The following ZNF678 variants were observed in gnomAD, a reference collection of about 807,000 sequenced individuals.
ZNF678 encodes the protein hypothetical protein MGC42493.
ZNF678 carries 5 observed loss-of-function variants against 3.0 expected under a neutral mutation model. That is an observed-to-expected ratio of 1.69 (90% confidence interval 0.88 to 3.56). The LOEUF is 3.56. Ranked by LOEUF, ZNF678 falls within the 30% of genes most tolerant of loss-of-function variation. The pLI is 0.00. For synonymous variants in ZNF678, 218 were observed against 199.6 expected, an observed-to-expected ratio of 1.09 and a Z score of -0.78; for missense variants, 593 against 605.0, an observed-to-expected ratio of 0.98 and a Z score of 0.21.
At chr1:227,671,080 T>G (rs1416148933) in intron 5 of ZNF678, among the ~76,000 whole-genome samples, 5 of 150,352 alleles carry the variant, frequency 3.3e-5, no homozygotes, top group Non-Finnish European at 7.4e-5. Flanking sequence ...TCACCTTTTT[T>G]TTTTTTTTTT....
intron 1 of ZNF678, among the ~76,000 whole-genome samples, chr1:227,574,008 C>CT (rs1206697677): frequency 1.3e-5 from 2 of 152,154 alleles, no homozygotes; most frequent in African/African-American, 4.8e-5. Context: ...TGATCTCATT[C>CT]TTTTTTATGG....
intron 2 of ZNF678, among the ~76,000 whole-genome samples, chr1:227,649,443 C>G (rs1409405802): frequency 6.6e-6 from 1 of 152,144 alleles, no homozygotes; most frequent in Non-Finnish European, 1.5e-5. Flanking sequence ...CTCCACCTCC[C>G]AGGTTCAAGC....
At position 227,654,336 on chromosome 1, in the gene ZNF678, C is replaced by A; in HGVS notation, c.86C>A (p.Ala29Asp). Residue 29 changes from alanine to aspartate, a missense_variant and splice_region_variant, in exon 4 of 4, where the codon GCT (alanine) becomes GAT (aspartate). Ala to Asp is a moderately radical substitution (Grantham distance 126). Transcript: ENST00000343776. ...STSFYKLVYT[A>D]ILSYSIQDLL... ...AACTTTTTATTTTTATTTCTTTCAG[C>A]TATTTTATCTTATTCCATTCAAGAC... 6.7e-7 allele frequency: 1 copy of A among 1,500,040 alleles called. No homozygotes were observed. The highest frequency in any genetic ancestry group is 8.9e-7 in the Non-Finnish European group (1 of 1,127,600). The allele number at this position is 1,500,040 out of a possible 1,614,324, so 92.9% of individuals were successfully genotyped here.
At chr1:227,580,657 C>T (rs6698409) in intron 1 of ZNF678, among the ~76,000 whole-genome samples, 32,861 of 152,038 alleles carry the variant, frequency 0.22, 4,047 homozygotes, top group African/African-American at 0.33. Flanking sequence ...AGGCCAGGCA[C>T]GGTGGCTAAT....
intron 1 of ZNF678, among the ~76,000 whole-genome samples, chr1:227,643,780 C>T (rs1388274312): frequency 6.6e-6 from 1 of 151,752 alleles, no homozygotes; most frequent in Non-Finnish European, 1.5e-5. Flanking sequence ...AAAAGTTCCT[C>T]TGACCTATAT....
chr1:227,675,043 T>C (rs1375907041), intron 5 of ZNF678, among the ~76,000 whole-genome samples: 4 of 152,248 alleles, frequency 2.6e-5, no homozygotes, highest in African/African-American at 9.6e-5. Flanking sequence ...ATGACATTCA[T>C]TTGAACATTG....
chr1:227,600,272 A>T (rs757586760), intron 1 of ZNF678, among the ~76,000 whole-genome samples: 1 of 152,190 alleles, frequency 6.6e-6, no homozygotes, highest in Non-Finnish European at 1.5e-5. Flanking sequence ...AGTGAACATA[A>T]GTGTGCATGT....
chr1:227,583,808 A>G (rs1460103825), intron 1 of ZNF678, among the ~76,000 whole-genome samples: 2 of 152,266 alleles, frequency 1.3e-5, no homozygotes, highest in East Asian at 3.9e-4. Context: ...TTGGTGTCCA[A>G]AGTATTTTGT....
chr1:227,630,278 C>G (rs1308206856), intron 1 of ZNF678, among the ~76,000 whole-genome samples: 1 of 152,166 alleles, frequency 6.6e-6, no homozygotes, highest in Admixed American at 6.5e-5. Context: ...TTTCCTTAGT[C>G]CTTCTAGCTT....
At chr1:227,606,723 C>T (rs758750111) in intron 1 of ZNF678, among the ~76,000 whole-genome samples, 3 of 152,038 alleles carry the variant, frequency 2.0e-5, no homozygotes, top group Non-Finnish European at 4.4e-5. Context: ...GAGGTCCCTG[C>T]GGCTTTCTGC....
At chr1:227,569,321 T>C (rs541819451) in intron 1 of ZNF678, among the ~76,000 whole-genome samples, 1 of 152,354 alleles carries the variant, frequency 6.6e-6, no homozygotes, top group East Asian at 1.9e-4. Flanking sequence ...TTTCTTCTGC[T>C]TCTTGAAATA....
At chr1:227,564,413 TAGAGCCACC>T (rs913104293) in intron 1 of ZNF678, among the ~76,000 whole-genome samples, 1 of 152,230 alleles carries the variant, frequency 6.6e-6, no homozygotes, top group African/African-American at 2.4e-5. Flanking sequence ...CGCAAGACAC[TAGAGCCACC>T]TCAGTCTAAT....
At chr1:227,676,370 A>G (rs1168085124) in intron 5 of ZNF678, among the ~76,000 whole-genome samples, 1 of 152,222 alleles carries the variant, frequency 6.6e-6, no homozygotes, top group African/African-American at 2.4e-5. Flanking sequence ...AATCCCAGAA[A>G]CATACAGGGA....
intron 1 of ZNF678, among the ~76,000 whole-genome samples, chr1:227,579,249 G>A (rs1377021251): frequency 2.0e-5 from 3 of 152,154 alleles, no homozygotes; most frequent in African/African-American, 7.2e-5. Context: ...GGGAGTCCCT[G>A]TTGCAGAGTG....
At chr1:227,620,988 C>A (rs1386562859) in intron 1 of ZNF678, among the ~76,000 whole-genome samples, 2 of 152,134 alleles carry the variant, frequency 1.3e-5, no homozygotes, top group Non-Finnish European at 2.9e-5. Flanking sequence ...TGCCATGGGT[C>A]ACACCTGGAA....
intron 5 of ZNF678, among the ~76,000 whole-genome samples, chr1:227,674,505 CTG>C (rs57783472): frequency 0.011 from 1,645 of 151,548 alleles, 33 homozygotes; most frequent in African/African-American, 0.038. Context: ...CCTCATGAAA[CTG>C]TGAACTTAAA....
At chr1:227,605,608 G>A (rs1354582721) in intron 1 of ZNF678, among the ~76,000 whole-genome samples, 1 of 152,148 alleles carries the variant, frequency 6.6e-6, no homozygotes, top group African/African-American at 2.4e-5. Flanking sequence ...TCAATTCCTA[G>A]TTTGTTTAGG....
At chr1:227,671,673 A>G (rs888866163) in intron 5 of ZNF678, among the ~76,000 whole-genome samples, 4 of 152,068 alleles carry the variant, frequency 2.6e-5, no homozygotes, top group Admixed American at 6.6e-5. Flanking sequence ...ATTATTCCCA[A>G]CCACCTTTAG....
chr1:227,666,437 A>G (rs371176348), downstream of ZNF678, among the ~76,000 whole-genome samples: 159 of 152,320 alleles, frequency 1.0e-3, no homozygotes, highest in African/African-American at 3.7e-3. Flanking sequence ...TGAAACTTCT[A>G]TAGTCAGCGT....
Sources: allele counts gnomAD v4.1 joint callset (sites outside exome capture counted in the v4.1 genomes callset), GRCh38; gene constraint gnomAD v4.1.1; transcripts MANE v1.5; gene names NCBI Gene and HGNC (gene_info 2026-07-23, HGNC 2026-07-21).